SBF2: variants seen among roughly 807,000 people sequenced by gnomAD.
The protein encoded by SBF2 is SET binding factor 2, also known as myotubularin-related protein 13.
A neutral mutation model predicts 225.2 loss-of-function variants in SBF2; 112 were observed. The observed-to-expected ratio is 0.50, with a 90% CI of 0.43 to 0.58. SBF2 has a LOEUF of 0.58. Among genes scored for constraint, SBF2 ranks in the 20% least tolerant of loss-of-function variants. The pLI is 0.00. For synonymous variants in SBF2, 763 were observed against 773.3 expected (o/e 0.99, Z 0.22); for missense variants, 1,996 against 2,206.2 (o/e 0.90, Z 1.91).
intron 1 of SBF2, among the ~76,000 whole-genome samples, chr11:10,279,221 G>T (rs530384031): frequency 3.3e-5 from 5 of 151,108 alleles, no homozygotes; most frequent in Admixed American, 6.6e-5. Context: ...AGACCAACCT[G>T]GCCAACATGG....
chr11:10,010,413 T>A (rs958350454), intron 6 of SBF2, among the ~76,000 whole-genome samples: 52 of 152,356 alleles, frequency 3.4e-4, no homozygotes, highest in Middle Eastern at 3.4e-3. Context: ...TTAATTTTTT[T>A]AAAAGGTTTA....
intron 1 of SBF2, among the ~76,000 whole-genome samples, chr11:10,244,123 C>A (rs755604784): frequency 6.6e-6 from 1 of 152,128 alleles, no homozygotes; most frequent in Non-Finnish European, 1.5e-5. Context: ...AAACATAGGC[C>A]AATATACATA....
At chr11:9,989,962 C>G (rs780957509) in intron 12 of SBF2, among the ~76,000 whole-genome samples, 12 of 152,198 alleles carry the variant, frequency 7.9e-5, no homozygotes, top group Non-Finnish European at 1.3e-4. Flanking sequence ...TCAGGATGCT[C>G]AGACTCTAGT....
intron 2 of SBF2, among the ~76,000 whole-genome samples, chr11:10,081,390 A>G (rs1426809080): frequency 6.6e-6 from 1 of 152,192 alleles, no homozygotes; most frequent in African/African-American, 2.4e-5. Flanking sequence ...GAAAATGGAG[A>G]CACAACATAT....
chr11:10,119,151 T>C (rs1191225531), intron 2 of SBF2, among the ~76,000 whole-genome samples: 4 of 152,110 alleles, frequency 2.6e-5, no homozygotes, highest in Non-Finnish European at 4.4e-5. Flanking sequence ...GTAGTTACAT[T>C]ACTAATTAAT....
chr11:9,862,156 C>T, intron 17 of SBF2, among the ~76,000 whole-genome samples: 1 of 152,184 alleles, frequency 6.6e-6, no homozygotes. Flanking sequence ...AAATCATTAA[C>T]CCCCAAATAC....
chr11:9,989,318 T>C (rs1330550899), intron 13 of SBF2, among the ~76,000 whole-genome samples, 179 bp downstream of exon 13: 2 of 151,984 alleles, frequency 1.3e-5, no homozygotes, highest in East Asian at 3.8e-4. Flanking sequence ...AGGCGAGGGA[T>C]AAAAGACTAC....
At chr11:10,013,679 A>G (rs1948538862) in intron 6 of SBF2, among the ~76,000 whole-genome samples, 1 of 152,192 alleles carries the variant, frequency 6.6e-6, no homozygotes, top group Admixed American at 6.5e-5. Flanking sequence ...CTAAAAAGCA[A>G]TCTGTATCAA....
At chr11:9,894,122 C>T (rs1349859788) in intron 17 of SBF2, among the ~76,000 whole-genome samples, 1 of 152,112 alleles carries the variant, frequency 6.6e-6, no homozygotes, top group Non-Finnish European at 1.5e-5. Flanking sequence ...TGGCTCACCC[C>T]TGTAATTGCA....
At chr11:9,840,264 A>AAAC (rs1856034766) in intron 25 of SBF2, among the ~76,000 whole-genome samples, 1 of 151,998 alleles carries the variant, frequency 6.6e-6, no homozygotes, top group Non-Finnish European at 1.5e-5. Context: ...AAAAAAAAAA[A>AAAC]AAACAAACCC....
chr11:9,858,344 G>C lies in SBF2; in HGVS notation c.1982C>G (p.Pro661Arg), dbSNP rs746054770. 16 of 1,614,138 alleles carry C rather than the reference G, an allele frequency of 9.9e-6. No homozygotes were observed. Among genetic ancestry groups the C allele is most frequent in the South Asian group, 9.9e-5 (9 of 91,074 alleles). Residue 661 changes from proline (P) to arginine (R), a missense_variant, in exon 18 of 40, where the codon CCC becomes CGC. Coordinates refer to ENST00000256190, the MANE Select transcript of SBF2 (RefSeq NM_030962.4). ...QFAYTCVQDH[P>R]IWTNQQFWET... Reference sequence around the variant, plus strand: ...CCAAAATTGCTGATTTGTCCAAATGGGGTGGTCTTGTACACACGTGTAAGC... The same window carrying C: ...CCAAAATTGCTGATTTGTCCAAATGCGGTGGTCTTGTACACACGTGTAAGC...
chr11:10,062,270 C>T (rs1436827852), intron 2 of SBF2, among the ~76,000 whole-genome samples: 1 of 152,064 alleles, frequency 6.6e-6, no homozygotes, highest in Non-Finnish European at 1.5e-5. Flanking sequence ...CCTCATGGAT[C>T]TAGGAATAGG....
chr11:10,187,574 C>G (rs74839715), intron 2 of SBF2, among the ~76,000 whole-genome samples: 3,168 of 152,150 alleles, frequency 0.021, 103 homozygotes, highest in African/African-American at 0.072. Context: ...CCTCTTCCCC[C>G]CAATGAGCTT....
intron 2 of SBF2, among the ~76,000 whole-genome samples, chr11:10,159,591 C>G (rs1393105747): frequency 6.6e-6 from 1 of 152,154 alleles, no homozygotes; most frequent in Non-Finnish European, 1.5e-5. Flanking sequence ...TGGCTTCCCC[C>G]TAAGTTATCC....
chr11:10,004,596 C>CAA (rs1162791020), intron 6 of SBF2, among the ~76,000 whole-genome samples: 2 of 124,420 alleles, frequency 1.6e-5, no homozygotes, highest in East Asian at 2.7e-4. Context: ...AAAAAAAAAA[C>CAA]AAACTACATA....
intron 1 of SBF2, among the ~76,000 whole-genome samples, chr11:10,234,601 C>T (rs1163766173): frequency 6.6e-6 from 1 of 152,098 alleles, no homozygotes; most frequent in East Asian, 1.9e-4. Context: ...TTTTAATTGA[C>T]AACAAAATTT....
Position 9,830,359 on chromosome 11 carries a change from C to T in SBF2, c.3653-863G>A, listed in dbSNP as rs184066663. Reference sequence around the variant, plus strand: ...TTATTTTATTGCCTAACAATAAAAACTGCTTATCAATTAAAAAACTGCCAT... The same window carrying T: ...TTATTTTATTGCCTAACAATAAAAATTGCTTATCAATTAAAAAACTGCCAT... On this transcript the variant is annotated intron_variant, in intron 27 of 39. Transcript: ENST00000256190. Among the ~76,000 whole-genome samples, 77 of 152,292 alleles carry T rather than the reference C, an allele frequency of 5.1e-4. 1 individual carries two copies. The highest frequency in any genetic ancestry group is 2.1e-3 in the South Asian group (10 of 4,826).
intron 1 of SBF2, among the ~76,000 whole-genome samples, chr11:10,304,377 T>C (rs1032827134): frequency 1.3e-5 from 2 of 152,238 alleles, no homozygotes; most frequent in Non-Finnish European, 2.9e-5. Context: ...TAATTTTGGT[T>C]ATTCCTATGT....
chr11:10,254,056 A>T (rs1167369501), intron 1 of SBF2, among the ~76,000 whole-genome samples: 1 of 152,062 alleles, frequency 6.6e-6, no homozygotes, highest in Non-Finnish European at 1.5e-5. Context: ...AAATTAGTAC[A>T]GTTATTATGG....
Sources: gnomAD v4.1 joint callset for allele counts (sites outside exome capture counted in the v4.1 genomes callset) on GRCh38, gnomAD v4.1.1 for gene constraint, MANE v1.5 for transcripts, NCBI Gene and HGNC (gene_info 2026-07-23, HGNC 2026-07-21) for gene names.